The following CCSER1 variants were observed in gnomAD, a reference collection of about 807,000 sequenced individuals.
CCSER1 encodes coiled-coil serine rich protein 1.
CCSER1 carries 41 observed loss-of-function variants against 82.0 expected under a neutral mutation model. The ratio of observed to expected loss-of-function variants is 0.50; its 90% CI spans 0.39 to 0.65. The LOEUF (loss-of-function observed/expected upper bound fraction) is 0.65, where lower values mean the gene tolerates loss of function less well. Among genes scored for constraint, CCSER1 ranks in the 30% least tolerant of loss-of-function variants. CCSER1 has a pLI of 0.00. For synonymous variants in CCSER1, 414 were observed against 383.9 expected, an observed-to-expected ratio of 1.08 and a Z score of -0.92; for missense variants, 1,119 against 1,064.2, an observed-to-expected ratio of 1.05 and a Z score of -0.72.
At chr4:90,478,630 T>C (rs1338381419) in intron 5 of CCSER1, among the ~76,000 whole-genome samples, 1 of 152,140 alleles carries the variant, frequency 6.6e-6, no homozygotes, top group African/African-American at 2.4e-5. Flanking sequence ...TATGTTGTTA[T>C]TATCTGCAAG....
In CCSER1 at chr4:91,390,569, C is replaced by A. The variant is rs540762091; in HGVS notation, c.2218-208003C>A. Among the ~76,000 whole-genome samples the A allele has an allele frequency of 3.4e-4, 52 of 151,414 alleles. 1 individual carries two copies. In the South Asian group the frequency reaches 0.01, roughly 30 times the overall value. ...TGATCTCATGGAATGAATCAAGTAC[C>A]CTAGAACTTAAAGTATTTTATTTAT... On this transcript the variant is annotated intron_variant, in intron 10 of 10. Transcript: ENST00000509176.
At chr4:90,966,622 C>A (rs1734588507) in intron 9 of CCSER1, among the ~76,000 whole-genome samples, 1 of 151,998 alleles carries the variant, frequency 6.6e-6, no homozygotes. Flanking sequence ...AAGAGAAGGA[C>A]AATAAATCGC....
At position 91,601,011 on chromosome 4, in the gene CCSER1, T is replaced by C. The variant is rs1764795876; in HGVS notation, c.*1954T>C. On this transcript the variant is annotated 3_prime_UTR_variant, in exon 11 of 11. Transcript: ENST00000509176. ...TTATTAATTGTGGAATTCAGCTTGA[T>C]TTGTCCTAAATGTTGGTGTCTGTTG... 1 of 152,094 alleles carries C rather than the reference T, an allele frequency of 6.6e-6. No individual in the cohort carries two copies. Among genetic ancestry groups the C allele is most frequent in the Non-Finnish European group, 1.5e-5 (1 of 67,982 alleles). The allele number at this position is 152,094 out of a possible 1,614,324, so 9.4% of individuals were successfully genotyped here. A position where few individuals can be genotyped will look rare whatever the true frequency, so the allele number is the denominator to read the frequency against.
At chr4:90,379,897 A>G (rs957081180) in intron 3 of CCSER1, among the ~76,000 whole-genome samples, 28 of 152,122 alleles carry the variant, frequency 1.8e-4, no homozygotes, top group Admixed American at 7.9e-4. Context: ...CAGAAGGCAA[A>G]GGGGGAACAA....
intron 6 of CCSER1, chr4:90,642,004 C>T (rs569815516): frequency 3.5e-4 from 108 of 308,782 alleles, no homozygotes; most frequent in African/African-American, 2.0e-3. Context: ...TTGTGTGATT[C>T]GATGGGCTAA....
intron 10 of CCSER1, among the ~76,000 whole-genome samples, chr4:91,361,174 T>C (rs1225187090): frequency 6.6e-6 from 1 of 151,908 alleles, no homozygotes; most frequent in Non-Finnish European, 1.5e-5. Flanking sequence ...GGATGTGTTT[T>C]GTTATTATTA....
intron 10 of CCSER1, among the ~76,000 whole-genome samples, chr4:91,576,537 A>G (rs958419759): frequency 1.3e-5 from 2 of 151,976 alleles, no homozygotes; most frequent in African/African-American, 4.8e-5. Context: ...TAGGTCTTAG[A>G]TACAGGTTGA....
intron 1 of CCSER1, among the ~76,000 whole-genome samples, chr4:90,149,321 G>A (rs1726382329): frequency 6.6e-6 from 1 of 152,134 alleles, no homozygotes; most frequent in African/African-American, 2.4e-5. Flanking sequence ...ATACATGGAG[G>A]CTAACCAAAG....
intron 3 of CCSER1, among the ~76,000 whole-genome samples, chr4:90,359,441 A>T (rs753717428): frequency 6.6e-6 from 1 of 152,068 alleles, no homozygotes; most frequent in Non-Finnish European, 1.5e-5. Flanking sequence ...TTTAGAGTAC[A>T]TAAAATCAGT....
At chr4:91,180,339 TCAGA>T (rs1733895278) in intron 10 of CCSER1, among the ~76,000 whole-genome samples, 1 of 152,208 alleles carries the variant, frequency 6.6e-6, no homozygotes, top group African/African-American at 2.4e-5. Context: ...TTCAAAGCTG[TCAGA>T]CAGGGACGTT....
intron 7 of CCSER1, among the ~76,000 whole-genome samples, chr4:90,812,009 A>ATATATATATATAT (rs1758413208): frequency 1.1e-5 from 1 of 89,362 alleles, no homozygotes; most frequent in East Asian, 4.3e-4. Context: ...TATATATATG[A>ATATATATATATAT]GTTTATTAAG....
chr4:91,430,064 TG>T (rs1218267419), intron 10 of CCSER1, among the ~76,000 whole-genome samples: 3 of 152,068 alleles, frequency 2.0e-5, no homozygotes, highest in Non-Finnish European at 4.4e-5. Context: ...ATACATCTTA[TG>T]TTGGAAAATA....
intron 8 of CCSER1, among the ~76,000 whole-genome samples, chr4:90,884,567 G>A (rs1165894483): frequency 1.3e-5 from 2 of 152,046 alleles, no homozygotes; most frequent in Non-Finnish European, 2.9e-5. Context: ...CTTGAAAAAT[G>A]TCTCTTTTTA....
At chr4:91,050,543 A>G in intron 9 of CCSER1, among the ~76,000 whole-genome samples, 1 of 152,192 alleles carries the variant, frequency 6.6e-6, no homozygotes. Context: ...CGTGTCACAA[A>G]TCCATTGTAT....
intron 4 of CCSER1, among the ~76,000 whole-genome samples, chr4:90,449,511 C>T (rs926216155): frequency 6.6e-5 from 10 of 152,202 alleles, no homozygotes; most frequent in African/African-American, 2.2e-4. Flanking sequence ...TCATGACGCT[C>T]ATGGTGCCCA....
chr4:90,646,179 A>T (rs1324850817), intron 6 of CCSER1, among the ~76,000 whole-genome samples: 2 of 152,188 alleles, frequency 1.3e-5, no homozygotes, highest in Non-Finnish European at 2.9e-5. Flanking sequence ...TCAGCAGATA[A>T]CATCTAAATC....
chr4:90,312,422 C>G (rs1453143903), intron 2 of CCSER1, among the ~76,000 whole-genome samples: 1 of 152,082 alleles, frequency 6.6e-6, no homozygotes, highest in East Asian at 1.9e-4. Context: ...TGATGGCCCT[C>G]ACTTATGTTT....
At chr4:90,828,600 TA>T (rs1364576484) in intron 8 of CCSER1, among the ~76,000 whole-genome samples, 3 of 152,166 alleles carry the variant, frequency 2.0e-5, no homozygotes, top group African/African-American at 7.2e-5. Context: ...CTGTAAGGAA[TA>T]AAAAGGAGGA....
At chr4:91,154,260 C>T (rs1417822487) in intron 10 of CCSER1, among the ~76,000 whole-genome samples, 1 of 152,068 alleles carries the variant, frequency 6.6e-6, no homozygotes, top group Non-Finnish European at 1.5e-5. Context: ...TGATCTCAGA[C>T]TGCTGTGCTA....
Sources: gnomAD v4.1 joint callset for allele counts (sites outside exome capture counted in the v4.1 genomes callset) on GRCh38, gnomAD v4.1.1 for gene constraint, MANE v1.5 for transcripts, NCBI Gene and HGNC (gene_info 2026-07-23, HGNC 2026-07-21) for gene names.